Variants in PIK3CB observed in about 807,000 individuals in gnomAD.
The protein encoded by PIK3CB is phosphatidylinositol 4,5-bisphosphate 3-kinase catalytic subunit beta isoform.
PIK3CB carries 39 observed loss-of-function variants against 136.8 expected under a neutral mutation model. That is an observed-to-expected ratio of 0.29 (90% CI 0.22 to 0.37). The LOEUF is 0.37. Ranked by LOEUF, PIK3CB falls within the 10% of genes least tolerant of loss-of-function variation. The probability of loss-of-function intolerance (pLI) is 1.00; values close to 1 mark genes in which losing one functional copy is unlikely to be tolerated. For synonymous variants in PIK3CB, 428 were observed against 436.6 expected (o/e 0.98, Z 0.25); for missense variants, 868 against 1,275.4 (o/e 0.68, Z 4.87).
intron 12 of PIK3CB, among the ~76,000 whole-genome samples, chr3:138,701,433 C>T (rs2044249982): frequency 6.6e-6 from 1 of 151,972 alleles, no homozygotes; most frequent in Non-Finnish European, 1.5e-5. Context: ...CATGAATCTA[C>T]TCAGGTTATG....
Position 138,656,202 on chromosome 3 carries a change from C to T in PIK3CB, c.3015G>A (p.Ala1005=), listed in dbSNP as rs375226737. Residue 1005 remains alanine (A), a synonymous_variant, in exon 23 of 24, where the codon GCG becomes GCA. Transcript: ENST00000674063. Reference sequence around the variant, plus strand: ...CAGGAAGCCCTGCAGTCAACATCAGCGCAAAGAGAGTGATGAAGAGATTCC... The same window carrying T: ...CAGGAAGCCCTGCAGTCAACATCAGTGCAAAGAGAGTGATGAAGAGATTCC... The part of the protein sequence containing the change: ...RHGNLFITLF[A]LMLTAGLPEL... The T allele has an allele frequency of 1.2e-5, 20 of 1,613,766 alleles. No individual in the cohort carries two copies. In the Middle Eastern group the frequency reaches 1.5e-3, roughly 119 times the overall value.
chr3:138,757,061 A>G (rs1269486579), intron 3 of PIK3CB, among the ~76,000 whole-genome samples: 1 of 152,170 alleles, frequency 6.6e-6, no homozygotes, highest in Non-Finnish European at 1.5e-5. Flanking sequence ...ATGACCAACA[A>G]GCACATAAAA....
At chr3:138,728,505 C>A (rs979368388) in intron 8 of PIK3CB, among the ~76,000 whole-genome samples, 2 of 152,126 alleles carry the variant, frequency 1.3e-5, no homozygotes, top group African/African-American at 2.4e-5. Flanking sequence ...ATGCCAGGCG[C>A]AGTGGCTCAC....
chr3:138,692,928 A>G (rs1013981473), intron 14 of PIK3CB, among the ~76,000 whole-genome samples: 2 of 152,220 alleles, frequency 1.3e-5, no homozygotes, highest in Non-Finnish European at 2.9e-5. Context: ...ATTATTTATA[A>G]TAGGGAAATG....
chr3:138,726,874 T>C (rs1459315782), intron 8 of PIK3CB, among the ~76,000 whole-genome samples: 47 of 133,338 alleles, frequency 3.5e-4, no homozygotes, highest in Admixed American at 2.5e-3. Context: ...AAATCTCGTC[T>C]CTATAAAAAG....
chr3:138,804,509 C>CA (rs912865930), intron 1 of PIK3CB, among the ~76,000 whole-genome samples: 13 of 151,026 alleles, frequency 8.6e-5, no homozygotes, highest in Non-Finnish European at 1.9e-4. Context: ...GACCTTGTCT[C>CA]AAAAAAAACA....
intron 5 of PIK3CB, among the ~76,000 whole-genome samples, chr3:138,740,986 A>G (rs2045232214): frequency 6.6e-6 from 1 of 152,166 alleles, no homozygotes; most frequent in African/African-American, 2.4e-5. Flanking sequence ...AAATTCCCCT[A>G]TTCTACCTCT....
intron 8 of PIK3CB, among the ~76,000 whole-genome samples, chr3:138,727,417 G>A (rs992295675): frequency 3.3e-5 from 5 of 152,214 alleles, no homozygotes; most frequent in Non-Finnish European, 7.3e-5. Context: ...AATTTGATGC[G>A]TGAGAAATTT....
chr3:138,659,866 C>CT lies in PIK3CB; in HGVS notation c.2797-2032dup, dbSNP rs56255742. Among the ~76,000 whole-genome samples the CT allele has an allele frequency of 9.1e-3, 688 of 75,460 alleles. 78 individuals carry two copies. The highest frequency in any genetic ancestry group is 0.018 in the African/African-American group (330 of 17,840). The allele number at this position is 75,460 out of a possible 152,430, so 49.5% of individuals were successfully genotyped here. On this transcript the variant is annotated intron_variant, in intron 21 of 23. Coordinates refer to ENST00000674063, the MANE Select transcript of PIK3CB (RefSeq NM_006219.3). Reference sequence around the variant, plus strand: ...TTAGTAAGTGCCCTTCTTTCCTCTTCTTTTTTTTTTTTTTTTTTTTTTTTT... The same window carrying CT: ...TTAGTAAGTGCCCTTCTTTCCTCTTCTTTTTTTTTTTTTTTTTTTTTTTTTT...
chr3:138,737,517 C>T (rs1029163702), intron 6 of PIK3CB, among the ~76,000 whole-genome samples, 190 bp downstream of exon 6: 17 of 149,810 alleles, frequency 1.1e-4, no homozygotes, highest in Admixed American at 3.3e-4. Flanking sequence ...CAAAAACATG[C>T]CAAAAGGGTA....
intron 10 of PIK3CB, among the ~76,000 whole-genome samples, chr3:138,709,340 T>G (rs1265145976): frequency 6.6e-6 from 1 of 151,572 alleles, no homozygotes; most frequent in African/African-American, 2.4e-5. Flanking sequence ...AAAACAGTTC[T>G]CTACATAGAT....
At chr3:138,777,470 G>T (rs1373038763) in intron 2 of PIK3CB, among the ~76,000 whole-genome samples, 2 of 152,178 alleles carry the variant, frequency 1.3e-5, no homozygotes, top group Non-Finnish European at 2.9e-5. Flanking sequence ...CTGACTGCTA[G>T]TACCAATAGC....
intron 4 of PIK3CB, among the ~76,000 whole-genome samples, chr3:138,751,883 A>AT (rs112152452): frequency 1.9e-4 from 29 of 151,822 alleles, no homozygotes; most frequent in African/African-American, 6.5e-4. Context: ...AGGCATGAGA[A>AT]TCACTTGAAC....
At chr3:138,759,575 A>T (rs1000584386) in intron 2 of PIK3CB, among the ~76,000 whole-genome samples, 1 of 152,188 alleles carries the variant, frequency 6.6e-6, no homozygotes, top group Non-Finnish European at 1.5e-5. Context: ...CAAATTATAT[A>T]TATGTACATT....
At chr3:138,799,631 T>A (rs1414756411) in intron 1 of PIK3CB, among the ~76,000 whole-genome samples, 1 of 152,042 alleles carries the variant, frequency 6.6e-6, no homozygotes, top group Non-Finnish European at 1.5e-5. Flanking sequence ...CCCTATATGA[T>A]CTGGTATCTG....
At chr3:138,680,081 A>G (rs868264612) in intron 19 of PIK3CB, among the ~76,000 whole-genome samples, 2 of 148,768 alleles carry the variant, frequency 1.3e-5, no homozygotes, top group South Asian at 4.5e-4. Flanking sequence ...AAGAAAAGAC[A>G]GGGGGCGGCG....
intron 17 of PIK3CB, 144 bp downstream of exon 17, chr3:138,684,481 T>C (rs974947701): frequency 2.0e-6 from 1 of 492,742 alleles, no homozygotes; most frequent in Non-Finnish European, 3.5e-6. Context: ...AATATAAGCA[T>C]AGCCTCGGAG....
chr3:138,694,340 C>T (rs577543586), intron 14 of PIK3CB, among the ~76,000 whole-genome samples: 2 of 152,204 alleles, frequency 1.3e-5, no homozygotes, highest in East Asian at 1.9e-4. Flanking sequence ...GCTTCCCTTG[C>T]AGACTTGTAT....
chr3:138,801,020 A>T (rs2046168456), intron 1 of PIK3CB, among the ~76,000 whole-genome samples: 1 of 152,188 alleles, frequency 6.6e-6, no homozygotes, highest in Admixed American at 6.6e-5. Context: ...AACATTTTTT[A>T]AAAACCCCCA....
Sources: gnomAD v4.1 joint callset for allele counts (sites outside exome capture counted in the v4.1 genomes callset) on GRCh38, gnomAD v4.1.1 for gene constraint, MANE v1.5 for transcripts, NCBI Gene and HGNC (gene_info 2026-07-23, HGNC 2026-07-21) for gene names.